Variants in UBAP1 observed in about 807,000 individuals in gnomAD.
UBAP1 encodes the protein ubiquitin associated protein 1.
Under a neutral mutation model 39.0 loss-of-function variants are expected in UBAP1, and 5 were observed. The observed-to-expected ratio is 0.13, with a 90% CI of 0.07 to 0.27. The LOEUF is 0.27. UBAP1 is among the 10% of genes least tolerant of loss of function. The pLI, the probability that UBAP1 is intolerant of heterozygous loss-of-function variation, is 1.00. For synonymous variants in UBAP1, 211 were observed against 225.1 expected, an observed-to-expected ratio of 0.94 and a Z score of 0.56; for missense variants, 490 against 608.1, an observed-to-expected ratio of 0.81 and a Z score of 2.04.
intron 2 of UBAP1, chr9:34,224,722 C>T (rs894203431): frequency 2.1e-5 from 5 of 239,658 alleles, no homozygotes; most frequent in Non-Finnish European, 3.3e-5. Flanking sequence ...AAATGAAAGG[C>T]AGTAGATGGA....
intron 1 of UBAP1, among the ~76,000 whole-genome samples, chr9:34,217,783 CTTTTTTTTTTTTTTTTTT>C (rs750494361): frequency 1.9e-4 from 8 of 41,228 alleles, no homozygotes; most frequent in South Asian, 1.4e-3. Context: ...GGATTTCGTT[CTTTTTTTTTTTTTTTTTT>C]TTTTTTTTTT....
At chr9:34,251,020 G>A (rs60951361) in intron 6 of UBAP1, 6,222 of 522,306 alleles carry the variant, frequency 0.012, 304 homozygotes, top group African/African-American at 0.11. Context: ...AAACTTCTTA[G>A]ATGATTAGGG....
chr9:34,216,880 C>T (rs149797253), intron 1 of UBAP1, among the ~76,000 whole-genome samples: 3,044 of 151,874 alleles, frequency 0.02, 56 homozygotes, highest in Non-Finnish European at 0.033. Context: ...CTCCTGAGCT[C>T]TAGTTAATTT....
At chr9:34,179,996 C>T (rs1032015749) in intron 1 of UBAP1, among the ~76,000 whole-genome samples, 2 of 152,198 alleles carry the variant, frequency 1.3e-5, no homozygotes, top group Non-Finnish European at 1.5e-5. Context: ...AGTCACCATG[C>T]AGTGTTGCGA....
At chr9:34,215,177 G>A (rs1270551045) in intron 1 of UBAP1, among the ~76,000 whole-genome samples, 2 of 152,066 alleles carry the variant, frequency 1.3e-5, no homozygotes, top group South Asian at 2.1e-4. Context: ...GCACATGTAT[G>A]TTTATAGCAG....
At chr9:34,233,370 C>T (rs1427460566) in intron 2 of UBAP1, among the ~76,000 whole-genome samples, 1 of 151,730 alleles carries the variant, frequency 6.6e-6, no homozygotes, top group Non-Finnish European at 1.5e-5. Context: ...TACAGGCATG[C>T]ACCACCATGC....
intron 2 of UBAP1, chr9:34,224,649 G>A (rs1832954311): frequency 5.8e-6 from 2 of 344,642 alleles, no homozygotes; most frequent in East Asian, 1.1e-4. Flanking sequence ...TGGCTGGAAA[G>A]AGCTAGTTGG....
chr9:34,194,615 A>G (rs1326776875), intron 1 of UBAP1, among the ~76,000 whole-genome samples: 1 of 152,140 alleles, frequency 6.6e-6, no homozygotes, highest in Non-Finnish European at 1.5e-5. Flanking sequence ...CACCTGACCA[A>G]TAAAAATTTT....
intron 1 of UBAP1, among the ~76,000 whole-genome samples, chr9:34,210,942 A>G (rs1345267041): frequency 6.6e-6 from 1 of 152,046 alleles, no homozygotes; most frequent in Non-Finnish European, 1.5e-5. Context: ...TAATTTTTAT[A>G]ATAAGAATCA....
chr9:34,233,306 C>G (rs1833525725), intron 2 of UBAP1, among the ~76,000 whole-genome samples: 1 of 151,340 alleles, frequency 6.6e-6, no homozygotes, highest in Non-Finnish European at 1.5e-5. Context: ...ACTGCAACCT[C>G]CGTCTCCTGG....
rs1485977066 is a variant in UBAP1 at position 34,231,676 on chromosome 9, G to A, written c.35-2540G>A. On this transcript the variant is annotated intron_variant, in intron 2 of 6. Transcript: ENST00000297661. ...TTGTTTGTTTTTGAGATAGAGTCTCGCTCTGTCACCCAGCCTGGAGTGCAG... is the reference window on the plus strand; with the variant it reads ...TTGTTTGTTTTTGAGATAGAGTCTCACTCTGTCACCCAGCCTGGAGTGCAG... Among the ~76,000 whole-genome samples the A allele has an allele frequency of 8.8e-5, 13 of 148,144 alleles. 1 individual carries two copies.
chr9:34,182,570 C>G (rs1295287200), intron 1 of UBAP1, among the ~76,000 whole-genome samples: 2 of 151,928 alleles, frequency 1.3e-5, no homozygotes, highest in South Asian at 4.2e-4. Context: ...AGTGTAAATG[C>G]CAATATTACA....
At chr9:34,227,508 C>A (rs960556744) in intron 2 of UBAP1, among the ~76,000 whole-genome samples, 4 of 152,194 alleles carry the variant, frequency 2.6e-5, no homozygotes, top group East Asian at 1.9e-4. Context: ...TTTCTCCCCC[C>A]ACCTGGAATT....
intron 1 of UBAP1, among the ~76,000 whole-genome samples, chr9:34,189,433 C>G (rs1334113397): frequency 1.3e-5 from 2 of 151,936 alleles, no homozygotes; most frequent in African/African-American, 4.8e-5. Context: ...AAATGATCCA[C>G]CTGCCTCATC....
chr9:34,183,485 G>A (rs963637900), intron 1 of UBAP1, among the ~76,000 whole-genome samples: 7 of 151,096 alleles, frequency 4.6e-5, no homozygotes, highest in Non-Finnish European at 7.4e-5. Flanking sequence ...CTCCAGAGGC[G>A]GAGCTTGCAG....
At chr9:34,215,153 T>G (rs7856128) in intron 1 of UBAP1, among the ~76,000 whole-genome samples, 1 of 152,096 alleles carries the variant, frequency 6.6e-6, no homozygotes, top group Admixed American at 6.6e-5. Context: ...AGAAGTCATT[T>G]GAAAAAGATG....
intron 1 of UBAP1, among the ~76,000 whole-genome samples, chr9:34,216,799 A>G (rs933498257): frequency 2.0e-5 from 3 of 151,542 alleles, no homozygotes; most frequent in African/African-American, 7.3e-5. Flanking sequence ...GGTGCGTACC[A>G]CCATGCTCGG....
chr9:34,248,064 C>T (rs185825570), intron 4 of UBAP1, among the ~76,000 whole-genome samples: 19 of 150,028 alleles, frequency 1.3e-4, no homozygotes, highest in Non-Finnish European at 2.4e-4. Context: ...TTCAGACAGT[C>T]TCACTCTGTC....
chr9:34,218,250 CAAA>C (rs758443973), intron 1 of UBAP1, among the ~76,000 whole-genome samples: 12 of 49,498 alleles, frequency 2.4e-4, no homozygotes, highest in East Asian at 5.7e-4. Flanking sequence ...GACTCCATCT[CAAA>C]AAAAAAAAAA....
Sources: gnomAD v4.1 joint callset for allele counts (sites outside exome capture counted in the v4.1 genomes callset) on GRCh38, gnomAD v4.1.1 for gene constraint, MANE v1.5 for transcripts, NCBI Gene and HGNC (gene_info 2026-07-23, HGNC 2026-07-21) for gene names.